The following CLASP1 variants were observed in gnomAD, a reference collection of about 807,000 sequenced individuals.
The protein encoded by CLASP1 is cytoplasmic linker associated protein 1.
A neutral mutation model predicts 192.3 loss-of-function variants in CLASP1; 38 were observed. That is an observed-to-expected ratio of 0.20 (90% confidence interval 0.15 to 0.26). The LOEUF (loss-of-function observed/expected upper bound fraction) is 0.26. Among genes scored for constraint, CLASP1 ranks in the 10% least tolerant of loss-of-function variants. The pLI, the probability that CLASP1 is intolerant of heterozygous loss-of-function variation, is 1.00. For missense variants in CLASP1, 1,433 were observed against 1,932.5 expected, an observed-to-expected ratio of 0.74 and a Z score of 4.85; for synonymous variants, 691 against 712.8, an observed-to-expected ratio of 0.97 and a Z score of 0.49.
intron 30 of CLASP1, among the ~76,000 whole-genome samples, chr2:121,392,288 T>C (rs2074497694): frequency 6.6e-6 from 1 of 152,262 alleles, no homozygotes; most frequent in East Asian, 1.9e-4. Context: ...TCCCTTTGAT[T>C]GATCACCTGG....
intron 16 of CLASP1, among the ~76,000 whole-genome samples, 177 bp from the exon 17 acceptor site, chr2:121,449,297 T>C (rs931777971): frequency 1.3e-5 from 2 of 152,154 alleles, no homozygotes; most frequent in Non-Finnish European, 2.9e-5. Flanking sequence ...CCTCACAATT[T>C]TACTGTCTTT....
At chr2:121,342,125 A>AT (rs113122537) in intron 39 of CLASP1, among the ~76,000 whole-genome samples, 302 of 146,576 alleles carry the variant, frequency 2.1e-3, no homozygotes, top group Non-Finnish European at 2.0e-3. Context: ...TAAAAAAAGA[A>AT]TTTTTTTTTT....
At chr2:121,441,428 C>T (rs1199243152) in intron 19 of CLASP1, among the ~76,000 whole-genome samples, 1 of 152,100 alleles carries the variant, frequency 6.6e-6, no homozygotes, top group Non-Finnish European at 1.5e-5. Context: ...CTATTCTCCC[C>T]AAAAGAATAA....
intron 2 of CLASP1, among the ~76,000 whole-genome samples, chr2:121,588,202 A>T (rs1330884468): frequency 6.6e-6 from 1 of 150,772 alleles, no homozygotes; most frequent in Admixed American, 6.6e-5. Context: ...AAAAAAGCTG[A>T]ACTTCACCAG....
intron 8 of CLASP1, among the ~76,000 whole-genome samples, chr2:121,472,631 T>C (rs2090955355): frequency 6.6e-6 from 1 of 152,044 alleles, no homozygotes; most frequent in South Asian, 2.1e-4. Flanking sequence ...GTGCTAGAAA[T>C]TACAGGAAGC....
intron 37 of CLASP1, among the ~76,000 whole-genome samples, chr2:121,361,749 C>T (rs1395306464): frequency 6.6e-6 from 1 of 152,190 alleles, no homozygotes; most frequent in African/African-American, 2.4e-5. Context: ...GTTGATCGTA[C>T]TAGCTCATCT....
intron 34 of CLASP1, among the ~76,000 whole-genome samples, chr2:121,370,636 T>C (rs575630408): frequency 6.6e-6 from 1 of 152,276 alleles, no homozygotes; most frequent in East Asian, 1.9e-4. Flanking sequence ...ATTCTTCGAT[T>C]TTCACTGCCA....
At chr2:121,444,366 G>C (rs2083932323) in intron 19 of CLASP1, among the ~76,000 whole-genome samples, 1 of 152,198 alleles carries the variant, frequency 6.6e-6, no homozygotes, top group Non-Finnish European at 1.5e-5. Context: ...TGAATGGGGT[G>C]TGTGTCCGTG....
At chr2:121,385,250 G>A (rs1308488705) in intron 32 of CLASP1, among the ~76,000 whole-genome samples, 1 of 152,168 alleles carries the variant, frequency 6.6e-6, no homozygotes, top group Non-Finnish European at 1.5e-5. Context: ...CATTTCTTCT[G>A]TAAGCTCAAG....
In CLASP1 at chr2:121,410,317, A is replaced by G. The variant is rs889954660; in HGVS notation, c.2424+549T>C. On this transcript the variant is annotated intron_variant, in intron 24 of 39. Coordinates refer to ENST00000263710, the Ensembl canonical transcript of CLASP1. ...ATCCATGATCATTTATGTTTTTCAGATATTACACTATAATGATGCAAAAAC... is the reference window on the plus strand; with the variant it reads ...ATCCATGATCATTTATGTTTTTCAGGTATTACACTATAATGATGCAAAAAC... 2.0e-4 allele frequency among the ~76,000 whole-genome samples: 31 copies of G among 152,300 alleles called. 1 individual carries two copies. Among genetic ancestry groups the G allele is most frequent in the Middle Eastern group, 6.8e-3 (2 of 294 alleles).
intron 21 of CLASP1, among the ~76,000 whole-genome samples, 181 bp downstream of exon 21, chr2:121,427,223 A>T (rs1052748145): frequency 1.3e-5 from 2 of 152,180 alleles, no homozygotes; most frequent in Non-Finnish European, 2.9e-5. Context: ...AAACTATTAA[A>T]CTATGTATAA....
At chr2:121,598,906 C>G (rs1471622112) in intron 2 of CLASP1, among the ~76,000 whole-genome samples, 1 of 152,162 alleles carries the variant, frequency 6.6e-6, no homozygotes, top group Non-Finnish European at 1.5e-5. Context: ...CACTCTATTG[C>G]CCAGGCTAGA....
chr2:121,612,500 AGAG>A (rs970912016), intron 1 of CLASP1, among the ~76,000 whole-genome samples: 3 of 149,110 alleles, frequency 2.0e-5, no homozygotes, highest in Admixed American at 6.7e-5. Context: ...GAGAGGGAAA[AGAG>A]GAGGAGGAGT....
chr2:121,595,005 T>C (rs1357396497), intron 2 of CLASP1, among the ~76,000 whole-genome samples: 1 of 152,210 alleles, frequency 6.6e-6, no homozygotes, highest in Non-Finnish European at 1.5e-5. Context: ...ACCAAAGAAC[T>C]ATTTTAAATA....
At position 121,628,698 on chromosome 2, in the gene CLASP1, T is replaced by C. The variant is rs139659562; in HGVS notation, c.-286+20674A>G. Among the ~76,000 whole-genome samples, 1,056 of 150,738 alleles carry C rather than the reference T, an allele frequency of 7.0e-3. 8 individuals are homozygous for C. Among genetic ancestry groups the C allele is most frequent in the African/African-American group, 0.024 (982 of 41,044 alleles). On this transcript the variant is annotated intron_variant, in intron 1 of 39. Coordinates refer to ENST00000263710, the Ensembl canonical transcript of CLASP1. ...CAAAAAAAAAAAAAAAAGAATGTAA[T>C]TGAATATAATCAAATAAACACTTTA...
intron 2 of CLASP1, among the ~76,000 whole-genome samples, chr2:121,594,897 A>G (rs2062943686): frequency 6.6e-6 from 1 of 151,548 alleles, no homozygotes; most frequent in Admixed American, 6.6e-5. Flanking sequence ...TGAAACATAC[A>G]TGAAAATTTT....
chr2:121,529,682 C>T (rs1038673742), intron 3 of CLASP1, among the ~76,000 whole-genome samples: 1 of 152,136 alleles, frequency 6.6e-6, no homozygotes, highest in African/African-American at 2.4e-5. Flanking sequence ...ACTGTTTTCC[C>T]TTCAAAATAA....
chr2:121,560,644 T>TCA (rs2058993278), intron 2 of CLASP1, among the ~76,000 whole-genome samples: 1 of 152,228 alleles, frequency 6.6e-6, no homozygotes, highest in African/African-American at 2.4e-5. Flanking sequence ...ATAAGGGGTA[T>TCA]CACATCAGTA....
In CLASP1 at chr2:121,495,592, C is replaced by T. The variant is rs575033029; in HGVS notation, c.712+7575G>A. Among the ~76,000 whole-genome samples, 40 of 152,028 alleles carry T rather than the reference C, an allele frequency of 2.6e-4. No homozygotes were observed. The South Asian group carries it at 7.5e-3, about 28-fold the overall frequency. On this transcript the variant is annotated intron_variant, in intron 8 of 39. Coordinates refer to ENST00000263710, the Ensembl canonical transcript of CLASP1. ...AGGAGAAGCGCTCGAACCAGGGAGGCGGAGGTTGCGGTGAGCCGAGATCAT... is the reference window on the plus strand; with the variant it reads ...AGGAGAAGCGCTCGAACCAGGGAGGTGGAGGTTGCGGTGAGCCGAGATCAT...
Sources: allele counts gnomAD v4.1 joint callset (sites outside exome capture counted in the v4.1 genomes callset), GRCh38; gene constraint gnomAD v4.1.1; transcripts MANE v1.5; gene names NCBI Gene and HGNC (gene_info 2026-07-23, HGNC 2026-07-21).